The following RPS24 variants were observed in gnomAD, a reference collection of about 807,000 sequenced individuals.
RPS24 encodes the protein small ribosomal subunit protein eS24.
For synonymous variants in RPS24, 72 were observed against 55.6 expected, an observed-to-expected ratio of 1.30 and a Z score of -1.31; for missense variants, 100 against 162.5, an observed-to-expected ratio of 0.62 and a Z score of 2.09.
intron 4 of RPS24, among the ~76,000 whole-genome samples, chr10:78,050,519 A>C (rs564333247): frequency 6.6e-6 from 1 of 152,364 alleles, no homozygotes; most frequent in Non-Finnish European, 1.5e-5. Context: ...ATTGAGGTTT[A>C]ATTCACAGAC....
intron 3 of RPS24, chr10:78,036,337 C>CT (rs1416564189): frequency 6.3e-6 from 1 of 158,800 alleles, no homozygotes; most frequent in African/African-American, 2.4e-5. Flanking sequence ...GAGTTTAGCT[C>CT]TGTCGCCCAG....
downstream of RPS24, among the ~76,000 whole-genome samples, chr10:78,041,755 A>G (rs1375530478): frequency 7.2e-5 from 11 of 151,992 alleles, no homozygotes; most frequent in Admixed American, 7.2e-4. Context: ...CAGGACGTGG[A>G]GCTGGGGGTG....
Position 78,035,410 on chromosome 10 carries a change from A to G in RPS24, c.62A>G (p.Lys21Arg), listed in dbSNP as rs375804790. 5 of 1,614,072 alleles carry G rather than the reference A, an allele frequency of 3.1e-6. No individual in the cohort carries two copies. The African/African-American group carries it at 6.7e-5, about 22-fold the overall frequency. The change falls in exon 2 of 6, where the codon AAA becomes AGA. Residue 21 changes from lysine to arginine, a missense_variant. Physicochemically the swap from Lys to Arg is conservative, Grantham distance 26. Coordinates refer to ENST00000372360, the MANE Select transcript of RPS24 (RefSeq NM_033022.4). ...KFMTNRLLQR[K>R]QMVIDVLHPG... ...ATGACCAACCGACTACTTCAGAGGA[A>G]ACAAATGGTAAGGAAGGGCACATCA...
chr10:78,038,103 C>A, intron 4 of RPS24: 1 of 495,380 alleles, frequency 2.0e-6, no homozygotes, highest in Non-Finnish European at 3.3e-6. Context: ...AATGCCAGTG[C>A]TATTTAGGCT....
intron 4 of RPS24, chr10:78,037,914 T>C: frequency 1.1e-6 from 1 of 927,144 alleles, no homozygotes. Flanking sequence ...TTTTTTTTTT[T>C]TTTTTTTTTT....
exon 5 of RPS24, chr10:78,054,949 A>G: frequency 4.0e-6 from 6 of 1,492,762 alleles, no homozygotes; most frequent in Non-Finnish European, 5.4e-6. Context: ...CCTTTCTTTG[A>G]AATCCACCAG....
At chr10:78,053,354 G>C (rs1243324479) in intron 4 of RPS24, among the ~76,000 whole-genome samples, 1 of 152,018 alleles carries the variant, frequency 6.6e-6, no homozygotes, top group East Asian at 1.9e-4. Flanking sequence ...GGGGTTTTAG[G>C]GTTTCCTTGA....
chr10:78,055,641 T>C (rs1848143280), exon 5 of RPS24: 1 of 152,248 alleles, frequency 6.6e-6, no homozygotes. Context: ...GAGAAGGCTT[T>C]TAGATTTACT....
chr10:78,053,891 A>G (rs1848125414), intron 4 of RPS24, among the ~76,000 whole-genome samples: 1 of 152,172 alleles, frequency 6.6e-6, no homozygotes, highest in African/African-American at 2.4e-5. Context: ...GGAGGAGACC[A>G]ACATGTCTAC....
At chr10:78,046,268 G>A in intron 4 of RPS24, among the ~76,000 whole-genome samples, 1 of 151,556 alleles carries the variant, frequency 6.6e-6, no homozygotes, top group Non-Finnish European at 1.5e-5. Context: ...GCTAATTAAT[G>A]ACCACAGAAT....
At chr10:78,045,890 TACTC>T (rs1460261207) in intron 4 of RPS24, among the ~76,000 whole-genome samples, 7 of 151,882 alleles carry the variant, frequency 4.6e-5, no homozygotes, top group Admixed American at 2.0e-4. Flanking sequence ...TAATCTCAAT[TACTC>T]AGGAGGTGGA....
intron 1 of RPS24, among the ~76,000 whole-genome samples, chr10:78,034,577 A>G (rs913334718): frequency 2.6e-5 from 4 of 152,178 alleles, no homozygotes; most frequent in Non-Finnish European, 5.9e-5. Context: ...CTCAAAGTAA[A>G]ATGGAGAAAG....
At chr10:78,053,118 G>A (rs7077674) in intron 4 of RPS24, among the ~76,000 whole-genome samples, 18,497 of 150,486 alleles carry the variant, frequency 0.12, 3,699 homozygotes, top group African/African-American at 0.42. Flanking sequence ...GTGCCATTGC[G>A]CTTCAGGCTG....
chr10:78,035,247 A>T, intron 1 of RPS24, 105 bp from the exon 2 acceptor site: 1 of 1,132,128 alleles, frequency 8.8e-7, no homozygotes. Flanking sequence ...TCGCTACATG[A>T]CTAATGGCTA....
intron 4 of RPS24, chr10:78,048,888 A>AG (rs1848071527): frequency 1.3e-5 from 2 of 151,554 alleles, no homozygotes; most frequent in South Asian, 4.2e-4. Context: ...AAAAAAAAAA[A>AG]AAAAAAAATT....
At chr10:78,047,881 G>C (rs991047761) in intron 4 of RPS24, among the ~76,000 whole-genome samples, 3 of 152,192 alleles carry the variant, frequency 2.0e-5, no homozygotes, top group African/African-American at 7.2e-5. Flanking sequence ...ACAAGCATGG[G>C]TCCGGGGCCA....
chr10:78,045,776 G>A (rs1457376170), intron 4 of RPS24, among the ~76,000 whole-genome samples: 3 of 151,902 alleles, frequency 2.0e-5, no homozygotes, highest in African/African-American at 4.8e-5. Context: ...AGGCTGAGGC[G>A]GGTGGATCAC....
At chr10:78,035,481 C>A in intron 2 of RPS24, 30 bp from the exon 3 acceptor site, 2 of 1,612,700 alleles carry the variant, frequency 1.2e-6, no homozygotes, top group Non-Finnish European at 8.5e-7. Context: ...TTTTATCATA[C>A]TGAATGCTAA....
At chr10:78,044,071 T>TA (rs1214311772), downstream of RPS24, among the ~76,000 whole-genome samples, 4 of 152,050 alleles carry the variant, frequency 2.6e-5, no homozygotes, top group Admixed American at 6.5e-5. Context: ...ATTAATATCT[T>TA]ACTCCCTAAA....
Sources: allele counts gnomAD v4.1 joint callset (sites outside exome capture counted in the v4.1 genomes callset), GRCh38; gene constraint gnomAD v4.1.1; transcripts MANE v1.5; gene names NCBI Gene and HGNC (gene_info 2026-07-23, HGNC 2026-07-21).